CLCN3: variants seen among roughly 807,000 people sequenced by gnomAD.
The protein encoded by CLCN3 is Cl-/H+ antiporter 3.
In CLCN3, 16 loss-of-function variants were observed where a neutral mutation model predicts 83.4. That is an observed-to-expected ratio of 0.19 (90% CI 0.13 to 0.29). CLCN3 has a LOEUF of 0.29. Among genes scored for constraint, CLCN3 ranks in the 10% least tolerant of loss-of-function variants. The pLI, the probability that CLCN3 is intolerant of heterozygous loss-of-function variation, is 1.00. For synonymous variants in CLCN3, 322 were observed against 346.2 expected (o/e 0.93, Z 0.78); for missense variants, 544 against 1,006.0 (o/e 0.54, Z 6.21).
chr4:169,703,979 A>C lies in CLCN3; in HGVS notation c.1564-19A>C, dbSNP rs1732894587. 6.2e-7 allele frequency: 1 copy of C among 1,611,600 alleles called. No homozygotes were observed. Among genetic ancestry groups the C allele is most frequent in the Non-Finnish European group, 8.5e-7 (1 of 1,178,016 alleles). ...AGTAGAGGATCTCTGCTCCATAAAG[A>C]GTTCTGTTGTTGTTATAGGTTCCAT... On this transcript the variant is annotated intron_variant, in intron 9 of 12. Transcript: ENST00000513761.
At chr4:169,674,230 C>T (rs1731589944) in intron 2 of CLCN3, among the ~76,000 whole-genome samples, 1 of 152,150 alleles carries the variant, frequency 6.6e-6, no homozygotes, top group African/African-American at 2.4e-5. Flanking sequence ...AGAGTACAAT[C>T]CATATATTTT....
intron 4 of CLCN3, among the ~76,000 whole-genome samples, chr4:169,688,293 A>G (rs1257970424): frequency 1.3e-5 from 2 of 152,198 alleles, no homozygotes; most frequent in Non-Finnish European, 2.9e-5. Flanking sequence ...TATCCCCTTC[A>G]TCACCCTGCT....
At chr4:169,677,050 T>C (rs1413198581) in intron 2 of CLCN3, among the ~76,000 whole-genome samples, 1 of 152,032 alleles carries the variant, frequency 6.6e-6, no homozygotes, top group African/African-American at 2.4e-5. Flanking sequence ...ACAAATTAAA[T>C]ATAGGTAACA....
intron 3 of CLCN3, among the ~76,000 whole-genome samples, chr4:169,686,470 G>A (rs892174125): frequency 1.3e-5 from 2 of 150,184 alleles, no homozygotes; most frequent in African/African-American, 4.9e-5. Flanking sequence ...AGGCTGGAGT[G>A]CAGTGGCACG....
intron 11 of CLCN3, 31 bp downstream of exon 11, chr4:169,707,297 A>ATTTT: frequency 6.7e-7 from 1 of 1,482,110 alleles, no homozygotes; most frequent in Non-Finnish European, 9.1e-7. Context: ...ATATGTATAT[A>ATTTT]TGAGATGGAT....
At chr4:169,634,700 G>T (rs971534225) in intron 1 of CLCN3, among the ~76,000 whole-genome samples, 1 of 152,064 alleles carries the variant, frequency 6.6e-6, no homozygotes, top group Non-Finnish European at 1.5e-5. Context: ...CTTGGAGAGA[G>T]GATTTTTTTT....
At chr4:169,694,581 A>G (rs554733156) in intron 7 of CLCN3, among the ~76,000 whole-genome samples, 1 of 152,196 alleles carries the variant, frequency 6.6e-6, no homozygotes, top group African/African-American at 2.4e-5. Flanking sequence ...GCTCACGCCT[A>G]TAATCCCAGC....
In CLCN3 at chr4:169,695,704, G is replaced by T; in HGVS notation, c.1017+12G>T. The T allele has an allele frequency of 1.9e-6, 3 of 1,555,518 alleles. No homozygotes were observed. The highest frequency in any genetic ancestry group is 2.2e-5 in the East Asian group (1 of 44,470). On this transcript the variant is annotated intron_variant, in intron 8 of 12. Coordinates refer to ENST00000513761, the MANE Select transcript of CLCN3 (RefSeq NM_001829.4). ...TTAGCCTGGAAGAGGTAGGTGAAAA[G>T]AATACAACAATTAAAATTATATATA...
chr4:169,704,761 G>T (rs539382337), intron 10 of CLCN3, among the ~76,000 whole-genome samples: 2 of 152,180 alleles, frequency 1.3e-5, no homozygotes, highest in South Asian at 2.1e-4. Context: ...GTTAGGGCAG[G>T]AAAAAATGGT....
intron 2 of CLCN3, among the ~76,000 whole-genome samples, chr4:169,654,937 T>TA (rs1372563865): frequency 6.6e-6 from 1 of 152,220 alleles, no homozygotes; most frequent in East Asian, 1.9e-4. Context: ...TTAAGTATTT[T>TA]AAAAATTTTC....
intron 1 of CLCN3, among the ~76,000 whole-genome samples, chr4:169,629,372 CAT>C (rs1012898806): frequency 1.3e-5 from 2 of 151,738 alleles, no homozygotes; most frequent in African/African-American, 4.8e-5. Context: ...TACTGTGACA[CAT>C]TTTTTTTTTT....
At chr4:169,622,637 A>G (rs1441689439) in intron 1 of CLCN3, among the ~76,000 whole-genome samples, 1 of 152,158 alleles carries the variant, frequency 6.6e-6, no homozygotes, top group East Asian at 1.9e-4. Context: ...CTCAATTTTC[A>G]CACTAACCCC....
intron 3 of CLCN3, among the ~76,000 whole-genome samples, chr4:169,685,878 G>T (rs1732133894): frequency 3.3e-5 from 5 of 152,162 alleles, no homozygotes; most frequent in Admixed American, 3.3e-4. Context: ...TCTAAAGAAT[G>T]GTTAATATCT....
At chr4:169,679,143 G>A (rs540076383) in intron 2 of CLCN3, among the ~76,000 whole-genome samples, 6 of 149,582 alleles carry the variant, frequency 4.0e-5, no homozygotes, top group African/African-American at 1.5e-4. Context: ...ATGGGGTCGC[G>A]GCTGGGCAGA....
At chr4:169,703,048 C>G (rs1321026531) in intron 9 of CLCN3, among the ~76,000 whole-genome samples, 2 of 152,182 alleles carry the variant, frequency 1.3e-5, no homozygotes, top group Non-Finnish European at 2.9e-5. Context: ...ATTAAGTTCA[C>G]TTTCTTCTAT....
intron 2 of CLCN3, among the ~76,000 whole-genome samples, chr4:169,658,614 C>G (rs1401958395): frequency 6.6e-6 from 1 of 151,970 alleles, no homozygotes; most frequent in African/African-American, 2.4e-5. Flanking sequence ...TAATTTAGTA[C>G]AGTTAGCCTT....
chr4:169,644,268 T>TC (rs1424065007), intron 2 of CLCN3, among the ~76,000 whole-genome samples: 2 of 151,362 alleles, frequency 1.3e-5, no homozygotes, highest in South Asian at 2.1e-4. Context: ...CTTTTTTTTT[T>TC]CTTTTTTTTT....
Position 169,723,153 on chromosome 4 carries a change from T to TAATC in CLCN3, c.*3158_*3161dup, listed in dbSNP as rs1733692354. ...AGTAAAAACGACTACTGTGATGAGT[T>TAATC]AATCAGAAAATCTATTAAAATCTAT... On this transcript the variant is annotated 3_prime_UTR_variant, in exon 13 of 13. Transcript: ENST00000513761. 1 of 152,244 alleles carries TAATC rather than the reference T, an allele frequency of 6.6e-6. No homozygotes were observed. The highest frequency in any genetic ancestry group is 1.5e-5 in the Non-Finnish European group (1 of 68,040). 9.4% of individuals were successfully genotyped at this position (152,244 alleles called of 1,614,324 possible). A position where few individuals can be genotyped will look rare whatever the true frequency, so the allele number is the denominator to read the frequency against.
At chr4:169,687,204 AT>A in intron 3 of CLCN3, among the ~76,000 whole-genome samples, 1 of 152,326 alleles carries the variant, frequency 6.6e-6, no homozygotes, top group Middle Eastern at 3.4e-3. Flanking sequence ...TGAGGTTCAA[AT>A]TTGATTCAAT....
Sources: allele counts gnomAD v4.1 joint callset (sites outside exome capture counted in the v4.1 genomes callset), GRCh38; gene constraint gnomAD v4.1.1; transcripts MANE v1.5; gene names NCBI Gene and HGNC (gene_info 2026-07-23, HGNC 2026-07-21).